Variants in XKR4 observed in about 807,000 individuals in gnomAD.
XKR4 encodes the protein XK-related protein 4.
A neutral mutation model predicts 53.9 loss-of-function variants in XKR4; 12 were observed. The observed-to-expected ratio is 0.22, with a 90% CI of 0.14 to 0.36. The LOEUF (loss-of-function observed/expected upper bound fraction) is 0.36, where lower values mean the gene tolerates loss of function less well. Ranked by LOEUF, XKR4 falls within the 10% of genes least tolerant of loss-of-function variation. The probability of loss-of-function intolerance (pLI) is 1.00; values close to 1 mark genes in which losing one functional copy is unlikely to be tolerated. For missense variants in XKR4, 799 were observed against 859.5 expected (o/e 0.93, Z 0.88); for synonymous variants, 354 against 362.4 (o/e 0.98, Z 0.26).
chr8:55,473,590 T>C (rs1805924187), intron 2 of XKR4, among the ~76,000 whole-genome samples: 1 of 152,118 alleles, frequency 6.6e-6, no homozygotes, highest in African/African-American at 2.4e-5. Flanking sequence ...ATGCAGTTCC[T>C]ATTTTCAAAA....
intron 2 of XKR4, among the ~76,000 whole-genome samples, chr8:55,408,087 A>G (rs529927178): frequency 6.6e-6 from 1 of 152,320 alleles, no homozygotes; most frequent in East Asian, 1.9e-4. Context: ...CCTGCCCACA[A>G]ATGTATGTGT....
chr8:55,278,281 G>A (rs894013291), intron 1 of XKR4, among the ~76,000 whole-genome samples: 6 of 149,124 alleles, frequency 4.0e-5, no homozygotes, highest in African/African-American at 1.5e-4. Flanking sequence ...AGGTTGCAGT[G>A]AGCCAAGATC....
At chr8:55,175,085 A>C (rs1290511701) in intron 1 of XKR4, among the ~76,000 whole-genome samples, 1 of 152,242 alleles carries the variant, frequency 6.6e-6, no homozygotes, top group Non-Finnish European at 1.5e-5. Context: ...ATAAGACCTC[A>C]TAAGATGCTG....
At chr8:55,380,300 A>G (rs1051528249) in intron 2 of XKR4, among the ~76,000 whole-genome samples, 10 of 152,268 alleles carry the variant, frequency 6.6e-5, no homozygotes, top group Admixed American at 2.6e-4. Flanking sequence ...ACCGAAGTCA[A>G]CAGGAAGCAA....
intron 1 of XKR4, among the ~76,000 whole-genome samples, chr8:55,223,819 A>G (rs1246230660): frequency 2.0e-5 from 3 of 152,174 alleles, no homozygotes; most frequent in Non-Finnish European, 4.4e-5. Flanking sequence ...GGGGCTGAAG[A>G]GAGATAGTTG....
chr8:55,384,892 A>G (rs568148813), intron 2 of XKR4, among the ~76,000 whole-genome samples: 34 of 152,358 alleles, frequency 2.2e-4, no homozygotes, highest in African/African-American at 7.9e-4. Context: ...AACAGGTTCC[A>G]TGGATGAGCT....
In XKR4 at chr8:55,524,007, C is replaced by G. The variant is rs1221228589; in HGVS notation, c.1733C>G (p.Thr578Ser). The G allele has an allele frequency of 2.5e-6, 4 of 1,614,052 alleles. No homozygotes were observed. The African/African-American group carries it at 5.3e-5, about 22-fold the overall frequency. Reference sequence around the variant, plus strand: ...GTACCTGTCTTTCAAGTGAGGCCCACTGCCCCATCCACCCCATCATCTCGC... The same window carrying G: ...GTACCTGTCTTTCAAGTGAGGCCCAGTGCCCCATCCACCCCATCATCTCGC... Reference protein sequence around the residue: ...GCVPVFQVRPTAPSTPSSRPP... With the variant: ...GCVPVFQVRPSAPSTPSSRPP... Residue 578 changes from threonine to serine, a missense_variant, in exon 3 of 3, where the codon ACT becomes AGT. Thr to Ser is a moderately conservative substitution (Grantham distance 58, BLOSUM62 1). Coordinates refer to ENST00000327381, the MANE Select transcript of XKR4 (RefSeq NM_052898.2).
chr8:55,170,076 A>T (rs1193774916), intron 1 of XKR4, among the ~76,000 whole-genome samples: 1 of 152,206 alleles, frequency 6.6e-6, no homozygotes, highest in Non-Finnish European at 1.5e-5. Context: ...ATTCATATTC[A>T]TATTCTTTAT....
At chr8:55,467,062 T>C (rs1326244632) in intron 2 of XKR4, among the ~76,000 whole-genome samples, 1 of 152,106 alleles carries the variant, frequency 6.6e-6, no homozygotes, top group Non-Finnish European at 1.5e-5. Context: ...ATTCAAGGTG[T>C]CAGCCAGGGC....
chr8:55,177,586 A>G (rs1483396986), intron 1 of XKR4, among the ~76,000 whole-genome samples: 1 of 152,228 alleles, frequency 6.6e-6, no homozygotes, highest in Non-Finnish European at 1.5e-5. Context: ...TGTGTGTCAC[A>G]GAGTGAGCAG....
intron 2 of XKR4, among the ~76,000 whole-genome samples, chr8:55,486,319 A>C (rs2929021): frequency 6.6e-6 from 1 of 152,044 alleles, no homozygotes; most frequent in East Asian, 1.9e-4. Flanking sequence ...TCACCCAAAG[A>C]GCTGAGCTGT....
intron 1 of XKR4, among the ~76,000 whole-genome samples, chr8:55,206,159 G>A (rs768954089): frequency 1.3e-5 from 2 of 152,322 alleles, no homozygotes; most frequent in Non-Finnish European, 2.9e-5. Context: ...GATTTATTGC[G>A]AAGAGCAAAA....
chr8:55,136,031 T>C (rs1816624321), intron 1 of XKR4, among the ~76,000 whole-genome samples: 1 of 152,014 alleles, frequency 6.6e-6, no homozygotes, highest in South Asian at 2.1e-4. Context: ...GTAGCTGGGA[T>C]TACAGGTGCA....
intron 2 of XKR4, among the ~76,000 whole-genome samples, chr8:55,418,233 C>T (rs191368469): frequency 1.8e-3 from 280 of 152,210 alleles, no homozygotes; most frequent in African/African-American, 6.4e-3. Context: ...TGTGGATAGC[C>T]GTGGCAGGGC....
chr8:55,485,619 C>G (rs1036024314), intron 2 of XKR4, among the ~76,000 whole-genome samples: 3 of 152,076 alleles, frequency 2.0e-5, no homozygotes, highest in African/African-American at 7.2e-5. Context: ...CCTCCTGCCC[C>G]CCTCAGCCTC....
chr8:55,130,006 G>GT (rs925074196), intron 1 of XKR4, among the ~76,000 whole-genome samples: 8 of 152,164 alleles, frequency 5.3e-5, no homozygotes, highest in African/African-American at 1.9e-4. Context: ...CCGCGGAGGT[G>GT]TGGGGTGTGG....
rs140843839 is a variant in XKR4 at position 55,428,901 on chromosome 8, T to G, written c.1006+71024T>G. 3.5e-3 allele frequency among the ~76,000 whole-genome samples: 530 copies of G among 152,334 alleles called. 1 individual carries two copies. Among genetic ancestry groups the G allele is most frequent in the African/African-American group, 0.012 (507 of 41,576 alleles). On this transcript the variant is annotated intron_variant, in intron 2 of 2. Coordinates refer to ENST00000327381, the MANE Select transcript of XKR4 (RefSeq NM_052898.2). ...ATTCCTATCAAAATCTCAGCAATAG[T>G]GTTTCTAGATAAAGACAAAATTATT...
chr8:55,341,265 A>T lies in XKR4; in HGVS notation c.807-16413A>T, dbSNP rs573325886. Among the ~76,000 whole-genome samples the T allele has an allele frequency of 1.4e-3, 217 of 152,290 alleles. 1 individual carries two copies. The highest frequency in any genetic ancestry group is 4.4e-3 in the South Asian group (21 of 4,822). On this transcript the variant is annotated intron_variant, in intron 1 of 2. Coordinates refer to ENST00000327381, the MANE Select transcript of XKR4 (RefSeq NM_052898.2). ...CCAAGCCCACTGGGACTCCTCTGTG[A>T]GGCAGTGGTCAGAACCCTTCAGAAT...
intron 2 of XKR4, among the ~76,000 whole-genome samples, chr8:55,365,410 T>A (rs1205819178): frequency 1.3e-5 from 2 of 152,142 alleles, no homozygotes; most frequent in Admixed American, 6.5e-5. Flanking sequence ...TGTTAGATAA[T>A]TTTAAAGAAG....
Sources: allele counts gnomAD v4.1 joint callset (sites outside exome capture counted in the v4.1 genomes callset), GRCh38; gene constraint gnomAD v4.1.1; transcripts MANE v1.5; gene names NCBI Gene and HGNC (gene_info 2026-07-23, HGNC 2026-07-21).